Variants in PRKN observed in about 807,000 individuals in gnomAD.
PRKN encodes the protein parkin RBR E3 ubiquitin protein ligase, also known as E3 ubiquitin-protein ligase parkin.
In PRKN, 56 loss-of-function variants were observed where a neutral mutation model predicts 59.5. The observed-to-expected ratio is 0.94, with a 90% CI of 0.76 to 1.18. The LOEUF is 1.18. PRKN is among the 50% of genes most tolerant of loss of function. PRKN has a pLI of 0.00. For synonymous variants in PRKN, 250 were observed against 222.1 expected (o/e 1.13, Z -1.12); for missense variants, 657 against 596.4 (o/e 1.10, Z -1.06).
intron 5 of PRKN, among the ~76,000 whole-genome samples, chr6:161,976,011 T>C (rs1781018010): frequency 6.6e-6 from 1 of 152,248 alleles, no homozygotes; most frequent in Admixed American, 6.5e-5. Flanking sequence ...GTTCAAGTGA[T>C]TCTCCCTCCT....
In PRKN at chr6:161,360,122, G is replaced by A. The variant is rs189941210; in HGVS notation, c.1251C>T (p.Pro417=). 23 of 1,614,134 alleles carry A rather than the reference G, an allele frequency of 1.4e-5. No individual in the cohort carries two copies. In the Admixed American group the frequency reaches 1.7e-4, roughly 12 times the overall value. ...CCACTGGTACATGGCAGCGGGGACA[G>A]GGCTTGGTGGTTTTCTTGATGGTTT... ...SKETIKKTTK[P]CPRCHVPVEK... Residue 417 remains proline (P), a synonymous_variant, in exon 11 of 12, where the codon CCC becomes CCT. Coordinates refer to ENST00000366898, the MANE Select transcript of PRKN (RefSeq NM_004562.3). The surrounding 1 kb of genome is among the most constrained non-coding windows in gnomAD (Gnocchi z 5.1).
chr6:161,712,326 G>C lies in PRKN; in HGVS notation c.871+73446C>G, dbSNP rs73783351. 4.5e-3 allele frequency among the ~76,000 whole-genome samples: 690 copies of C among 152,174 alleles called. 13 individuals are homozygous for C. Among genetic ancestry groups the C allele is most frequent in the African/African-American group, 0.016 (656 of 41,466 alleles). On this transcript the variant is annotated intron_variant, in intron 7 of 11. Transcript: ENST00000366898. ...CTAATAGAAACAATGGGGTCAACTG[G>C]ATGAAATGTGGGCAGGAAGCTGGGT...
chr6:162,541,754 G>A lies in PRKN; in HGVS notation c.8-98281C>T, dbSNP rs572355830. Among the ~76,000 whole-genome samples the A allele has an allele frequency of 1.0e-3, 159 of 152,170 alleles. 4 individuals carry two copies. The highest frequency in any genetic ancestry group is 0.01 in the Admixed American group (153 of 15,268). Reference sequence around the variant, plus strand: ...AGCCATCATTTTGCAGCCGTTTAGCGTTAAACAACTAGGAGAGAGATGATA... The same window carrying A: ...AGCCATCATTTTGCAGCCGTTTAGCATTAAACAACTAGGAGAGAGATGATA... On this transcript the variant is annotated intron_variant, in intron 1 of 11. Transcript: ENST00000366898.
Position 161,498,752 on chromosome 6 carries a change from C to T in PRKN, c.1083+50102G>A, listed in dbSNP as rs1448441965. Among the ~76,000 whole-genome samples, 3 of 152,188 alleles carry T rather than the reference C, an allele frequency of 2.0e-5. No individual in the cohort carries two copies. Among genetic ancestry groups the T allele is most frequent in the Admixed American group, 1.3e-4 (2 of 15,282 alleles). ...AACAAACCTTTGTTGTTTCAAACCA[C>T]TGAAATGTTGAAGTTGTTTGTTACT... On this transcript the variant is annotated intron_variant, in intron 9 of 11. Coordinates refer to ENST00000366898, the MANE Select transcript of PRKN (RefSeq NM_004562.3). This position sits in a 1 kb window ranked among gnomAD's most constrained non-coding sequence, Gnocchi z 4.2.
rs375385155 is a variant in PRKN, at chr6:161,861,708, C to T, written c.735-75800G>A. Reference sequence around the variant, plus strand: ...AATCCCCAAATCCTACCAACTGTCCCTTGAAATGTCTCACAATCTGTTTTT... The same window carrying T: ...AATCCCCAAATCCTACCAACTGTCCTTTGAAATGTCTCACAATCTGTTTTT... On this transcript the variant is annotated intron_variant, in intron 6 of 11. Coordinates refer to ENST00000366898, the MANE Select transcript of PRKN (RefSeq NM_004562.3). Among the ~76,000 whole-genome samples, 15 of 151,712 alleles carry T rather than the reference C, an allele frequency of 9.9e-5. No individual in the cohort carries two copies. In the East Asian group the frequency reaches 2.3e-3, roughly 24 times the overall value.
chr6:162,095,964 T>G (rs902055302), intron 4 of PRKN, among the ~76,000 whole-genome samples: 8 of 152,208 alleles, frequency 5.3e-5, no homozygotes, highest in Admixed American at 3.3e-4. Flanking sequence ...GCATTCCATC[T>G]GCAGAAGAGG....
chr6:161,733,584 A>G (rs969959450), intron 7 of PRKN, among the ~76,000 whole-genome samples: 1 of 151,982 alleles, frequency 6.6e-6, no homozygotes, highest in Non-Finnish European at 1.5e-5. Context: ...TTGTCATGAC[A>G]TAATTGCCCA....
At chr6:161,680,767 ATATATATATTTT>A (rs1785317723) in intron 7 of PRKN, among the ~76,000 whole-genome samples, 1 of 12,244 alleles carries the variant, frequency 8.2e-5, no homozygotes, top group African/African-American at 2.3e-4. Context: ...ATATATATAT[ATATATATATTTT>A]TTTTTTTTTT....
chr6:161,531,208 C>T (rs931870736), intron 9 of PRKN, among the ~76,000 whole-genome samples: 13 of 151,810 alleles, frequency 8.6e-5, no homozygotes, highest in Admixed American at 2.6e-4. Context: ...GGTGAAACCC[C>T]GTCTCTACTA....
In PRKN at chr6:161,610,216, G is replaced by A. The variant is rs77095594; in HGVS notation, c.872-40800C>T. Among the ~76,000 whole-genome samples the A allele has an allele frequency of 5.9e-3, 905 of 152,162 alleles. 22 individuals are homozygous for A. The East Asian group carries it at 0.071, about 12-fold the overall frequency. ...TCACAAAGAGGGCAACTTGCCCAGC[G>A]TTGCATGGGAGCTGGCCTGTGGTGG... is the stretch of plus-strand genomic sequence containing the variant. On this transcript the variant is annotated intron_variant, in intron 7 of 11. Transcript: ENST00000366898.
At chr6:161,838,407 C>T (rs986471203) in intron 6 of PRKN, among the ~76,000 whole-genome samples, 5 of 152,294 alleles carry the variant, frequency 3.3e-5, no homozygotes, top group East Asian at 1.9e-4. Flanking sequence ...AGCTGCAAGT[C>T]CCCCCTCCAT....
At chr6:162,320,221 T>G (rs560227765) in intron 2 of PRKN, among the ~76,000 whole-genome samples, 1 of 151,686 alleles carries the variant, frequency 6.6e-6, no homozygotes, top group Non-Finnish European at 1.5e-5. Context: ...TGATGGACAC[T>G]TAGGTTGATT....
At chr6:162,572,458 A>G in intron 1 of PRKN, among the ~76,000 whole-genome samples, 1 of 152,202 alleles carries the variant, frequency 6.6e-6, no homozygotes, top group East Asian at 1.9e-4. Context: ...TGTCATCTGC[A>G]GAATGAAGAT....
chr6:162,557,139 A>G (rs1250480449), intron 1 of PRKN, among the ~76,000 whole-genome samples: 3 of 152,338 alleles, frequency 2.0e-5, no homozygotes, highest in East Asian at 1.9e-4. Context: ...CTTTTGCCCA[A>G]TGTGAACATC....
rs183363747 is a variant in PRKN, at chr6:161,669,230, C to T, written c.872-99814G>A. On this transcript the variant is annotated intron_variant, in intron 7 of 11. Transcript: ENST00000366898. ...GGACTTCCCAGCACCTTCCCAGCAC[C>T]CAGAACTGTGAGAAATAGATGTTGT... 4.1e-4 allele frequency among the ~76,000 whole-genome samples: 63 copies of T among 152,288 alleles called. 1 individual carries two copies. Among genetic ancestry groups the T allele is most frequent in the East Asian group, 2.7e-3 (14 of 5,190 alleles).
At chr6:162,285,982 A>C (rs972008998) in intron 2 of PRKN, among the ~76,000 whole-genome samples, 2 of 152,300 alleles carry the variant, frequency 1.3e-5, no homozygotes, top group African/African-American at 4.8e-5. Context: ...GTAAGCTGGG[A>C]GCTCACATCC....
chr6:162,413,653 C>T (rs533197180), intron 2 of PRKN, among the ~76,000 whole-genome samples: 9 of 152,210 alleles, frequency 5.9e-5, no homozygotes, highest in Non-Finnish European at 7.4e-5. Flanking sequence ...CTAACATTGC[C>T]GCTATTTTCA....
chr6:162,125,682 A>G (rs1484577882), intron 4 of PRKN, among the ~76,000 whole-genome samples: 2 of 152,222 alleles, frequency 1.3e-5, no homozygotes, highest in Non-Finnish European at 2.9e-5. Flanking sequence ...CTGGTAACGT[A>G]CCATGGCCAA....
chr6:162,601,964 T>A (rs1203514895), intron 1 of PRKN, among the ~76,000 whole-genome samples: 1 of 152,204 alleles, frequency 6.6e-6, no homozygotes, highest in Non-Finnish European at 1.5e-5. Context: ...CAAATATTTA[T>A]CAAACATCTA....
Sources: gnomAD v4.1 joint callset for allele counts (sites outside exome capture counted in the v4.1 genomes callset) on GRCh38, gnomAD v4.1.1 for gene constraint, Gnocchi (gnomAD v3.1) non-coding constraint, MANE v1.5 for transcripts, NCBI Gene and HGNC (gene_info 2026-07-23, HGNC 2026-07-21) for gene names.